The following PCDHA6 variants were observed in gnomAD, a reference collection of about 807,000 sequenced individuals.
The protein encoded by PCDHA6 is protocadherin alpha 6, also known as protocadherin alpha-6.
PCDHA6 carries 55 observed loss-of-function variants against 60.3 expected under a neutral mutation model. That is an observed-to-expected ratio of 0.91 (90% CI 0.73 to 1.14). The LOEUF is 1.14. Among genes scored for constraint, PCDHA6 ranks in the 50% most tolerant of loss-of-function variants. PCDHA6 has a pLI of 0.00. For synonymous variants in PCDHA6, 652 were observed against 557.9 expected (o/e 1.17, Z -2.38); for missense variants, 1,327 against 1,256.5 (o/e 1.06, Z -0.85).
intron 1 of PCDHA6, among the ~76,000 whole-genome samples, chr5:140,890,477 C>T (rs1255992157): frequency 2.0e-5 from 3 of 151,926 alleles, no homozygotes; most frequent in African/African-American, 7.3e-5. Flanking sequence ...ATTTTTTGTG[C>T]GTTATTTTTG....
At chr5:140,967,014 G>T in intron 1 of PCDHA6, 1 of 1,606,958 alleles carries the variant, frequency 6.2e-7, no homozygotes, top group Non-Finnish European at 8.5e-7. Flanking sequence ...AACCATCTGG[G>T]TGCGCCCAGT....
At chr5:140,867,227 T>C (rs73793506) in intron 1 of PCDHA6, 1 of 152,106 alleles carries the variant, frequency 6.6e-6, no homozygotes, top group African/African-American at 2.4e-5. Context: ...CCAATTCCCA[T>C]AATAAGGTGA....
intron 1 of PCDHA6, chr5:140,882,310 A>G (rs2059059274): frequency 6.2e-7 from 1 of 1,613,930 alleles, no homozygotes; most frequent in Non-Finnish European, 8.5e-7. Context: ...CGCGGCAACT[A>G]CTGCTCTGGC....
chr5:140,995,372 G>A (rs1363484150), intron 3 of PCDHA6, among the ~76,000 whole-genome samples: 3 of 152,168 alleles, frequency 2.0e-5, no homozygotes, highest in African/African-American at 7.2e-5. Context: ...GATGATTCAC[G>A]TACTGGGCAG....
chr5:140,967,641 T>C (rs2096165933), intron 1 of PCDHA6: 1 of 1,614,004 alleles, frequency 6.2e-7, no homozygotes, highest in East Asian at 2.2e-5. Context: ...AATGGTGAGC[T>C]CAGGTACTCC....
intron 1 of PCDHA6, among the ~76,000 whole-genome samples, chr5:140,943,277 AGAAAG>A (rs797041544): frequency 8.1e-4 from 104 of 129,164 alleles, no homozygotes; most frequent in African/African-American, 3.0e-3. Context: ...AAAAAAAAAA[AGAAAG>A]AAAGAATTAA....
intron 1 of PCDHA6, chr5:140,836,228 G>A (rs2150255962): frequency 1.2e-6 from 2 of 1,613,770 alleles, no homozygotes; most frequent in Admixed American, 1.7e-5. Context: ...AACCGGTGGC[G>A]GCCGGTGCGA....
chr5:140,842,052 A>T (rs1777672472), intron 1 of PCDHA6: 1 of 1,613,748 alleles, frequency 6.2e-7, no homozygotes, highest in African/African-American at 1.3e-5. Context: ...ACTTTCGAAC[A>T]GTCTGAATAC....
Position 140,915,075 on chromosome 5 carries a change from A to T in PCDHA6, c.2395-63874A>T, listed in dbSNP as rs111889109. ...ATTCTCCTGCCTTAGCCTACTGAGTAGCTGGGACTATGGGCACGCACCACC... is the reference window on the plus strand; with the variant it reads ...ATTCTCCTGCCTTAGCCTACTGAGTTGCTGGGACTATGGGCACGCACCACC... On this transcript the variant is annotated intron_variant, in intron 1 of 3. Transcript: ENST00000529310. 7.1e-3 allele frequency among the ~76,000 whole-genome samples: 1,070 copies of T among 151,432 alleles called. 10 individuals are homozygous for T. The highest frequency in any genetic ancestry group is 0.025 in the African/African-American group (1,035 of 41,220).
At chr5:140,947,998 T>C (rs2094201986) in intron 1 of PCDHA6, among the ~76,000 whole-genome samples, 1 of 122,112 alleles carries the variant, frequency 8.2e-6, no homozygotes, top group Admixed American at 8.2e-5. Flanking sequence ...AAATACTTTA[T>C]TAAATTTAGG....
intron 1 of PCDHA6, chr5:140,878,201 T>C (rs1157119125): frequency 6.1e-6 from 1 of 164,102 alleles, no homozygotes; most frequent in African/African-American, 2.4e-5. Context: ...GTTGCAAGAA[T>C]GGTACAAAGA....
intron 1 of PCDHA6, chr5:140,843,512 G>A (rs782010980): frequency 6.3e-7 from 1 of 1,595,964 alleles, no homozygotes; most frequent in Non-Finnish European, 8.6e-7. Flanking sequence ...CACTGAGGGC[G>A]GGTGCCGGGC....
At chr5:140,901,006 C>T (rs2068410974) in intron 1 of PCDHA6, among the ~76,000 whole-genome samples, 2 of 152,070 alleles carry the variant, frequency 1.3e-5, no homozygotes, top group African/African-American at 4.8e-5. Flanking sequence ...AGTATGTCTT[C>T]TTTTGAGAAA....
intron 1 of PCDHA6, chr5:140,881,297 C>T: frequency 4.3e-6 from 4 of 940,924 alleles, no homozygotes; most frequent in Non-Finnish European, 5.1e-6. Flanking sequence ...AAAATGGAAA[C>T]TTTAACCTCC....
chr5:140,875,441 T>C (rs781902185), intron 1 of PCDHA6: 1 of 1,570,886 alleles, frequency 6.4e-7, no homozygotes, highest in Admixed American at 1.9e-5. Flanking sequence ...TTAAAACTGA[T>C]TGTCCCAACT....
chr5:140,936,674 T>C (rs1410690822), intron 1 of PCDHA6, among the ~76,000 whole-genome samples: 6 of 152,228 alleles, frequency 3.9e-5, no homozygotes, highest in African/African-American at 1.4e-4. Context: ...GGACTGTCTA[T>C]TCTGTTTCAT....
intron 1 of PCDHA6, chr5:140,835,708 C>T (rs182652510): frequency 1.8e-5 from 29 of 1,613,660 alleles, no homozygotes; most frequent in Middle Eastern, 1.7e-4. Context: ...GCTAGCGTGT[C>T]CGTGGAGGTG....
intron 1 of PCDHA6, among the ~76,000 whole-genome samples, chr5:140,914,442 CT>C (rs782585142): frequency 1.5e-4 from 23 of 152,072 alleles, no homozygotes; most frequent in Non-Finnish European, 2.9e-4. Context: ...TTTCCCATGT[CT>C]TTATTTTCCA....
At chr5:140,901,942 T>C (rs1307043698) in intron 1 of PCDHA6, among the ~76,000 whole-genome samples, 4 of 152,128 alleles carry the variant, frequency 2.6e-5, no homozygotes, top group Non-Finnish European at 5.9e-5. Flanking sequence ...TAGGTATATT[T>C]AGTTTTATTC....
Sources: gnomAD v4.1 joint callset for allele counts (sites outside exome capture counted in the v4.1 genomes callset) on GRCh38, gnomAD v4.1.1 for gene constraint, MANE v1.5 for transcripts, NCBI Gene and HGNC (gene_info 2026-07-23, HGNC 2026-07-21) for gene names.